PRKD1: variants seen among roughly 807,000 people sequenced by gnomAD.
PRKD1 encodes protein kinase D1.
In PRKD1, 63 loss-of-function variants were observed where a neutral mutation model predicts 95.9. The observed-to-expected ratio is 0.66, with a 90% CI of 0.54 to 0.81. The LOEUF (loss-of-function observed/expected upper bound fraction) is 0.81. Among genes scored for constraint, PRKD1 ranks in the 30% least tolerant of loss-of-function variants. PRKD1 has a pLI of 0.00. For missense variants in PRKD1, 1,048 were observed against 1,165.3 expected (o/e 0.90, Z 1.47); for synonymous variants, 425 against 423.1 (o/e 1.00, Z -0.05).
intron 1 of PRKD1, among the ~76,000 whole-genome samples, chr14:29,908,042 T>C (rs986346606): frequency 3.3e-5 from 5 of 152,064 alleles, no homozygotes; most frequent in African/African-American, 4.8e-5. Flanking sequence ...TCATATGTAG[T>C]CTACTCAGTA....
intron 1 of PRKD1, among the ~76,000 whole-genome samples, chr14:29,892,302 G>C (rs1007881358): frequency 1.3e-5 from 2 of 152,004 alleles, no homozygotes; most frequent in African/African-American, 2.4e-5. Flanking sequence ...CCGTTAACTG[G>C]ATTTTCCATT....
chr14:29,589,913 A>G (rs964062938), intron 16 of PRKD1, among the ~76,000 whole-genome samples: 1 of 152,152 alleles, frequency 6.6e-6, no homozygotes, highest in African/African-American at 2.4e-5. Context: ...TTTTTCTTCT[A>G]ATTATTTCCA....
intron 1 of PRKD1, among the ~76,000 whole-genome samples, chr14:29,915,610 T>C (rs2139129020): frequency 6.6e-6 from 1 of 152,306 alleles, no homozygotes; most frequent in East Asian, 1.9e-4. Context: ...ATCCTTGTAG[T>C]AGTGGCCTCC....
intron 2 of PRKD1, among the ~76,000 whole-genome samples, chr14:29,723,693 G>GTA (rs1886011178): frequency 6.7e-6 from 1 of 149,550 alleles, no homozygotes; most frequent in Non-Finnish European, 1.5e-5. Context: ...GTGTGTGTGT[G>GTA]TAATTGATAT....
At chr14:29,711,564 C>G (rs1393203551) in intron 2 of PRKD1, among the ~76,000 whole-genome samples, 86 of 152,104 alleles carry the variant, frequency 5.7e-4, no homozygotes, top group Admixed American at 5.6e-3. Flanking sequence ...AATATATTAA[C>G]TGCTTAAAAC....
At chr14:29,840,626 G>T (rs1275970498) in intron 1 of PRKD1, among the ~76,000 whole-genome samples, 2 of 152,160 alleles carry the variant, frequency 1.3e-5, no homozygotes, top group East Asian at 3.9e-4. Context: ...ATTTACAAAA[G>T]AAAGATGTTT....
intron 4 of PRKD1, among the ~76,000 whole-genome samples, chr14:29,659,967 T>C (rs1383469738): frequency 2.0e-5 from 3 of 152,190 alleles, no homozygotes; most frequent in African/African-American, 7.2e-5. Flanking sequence ...TATCAATCTT[T>C]TTCCTTTGTC....
intron 3 of PRKD1, 80 bp downstream of exon 3, chr14:29,665,997 T>C (rs755164802): frequency 9.9e-6 from 14 of 1,418,866 alleles, no homozygotes; most frequent in South Asian, 1.7e-5. Context: ...CTTTTACGTA[T>C]CTTTGCAATT....
intron 1 of PRKD1, among the ~76,000 whole-genome samples, chr14:29,820,369 T>C (rs1028050265): frequency 1.3e-5 from 2 of 152,228 alleles, no homozygotes; most frequent in East Asian, 1.9e-4. Flanking sequence ...ATAGAATCTA[T>C]GAAATGCTGT....
In PRKD1 at chr14:29,638,428, T is replaced by C. The variant is rs2273808; in HGVS notation, c.985+61A>G. ...CAAAACCAAAAACCCTGACTAAAAT[T>C]ACATCACCACACTCTCTAATATGGA... On this transcript the variant is annotated intron_variant, in intron 6 of 17. Coordinates refer to ENST00000331968, the MANE Select transcript of PRKD1 (RefSeq NM_002742.3). 10,010 of 1,576,276 alleles carry C rather than the reference T, an allele frequency of 6.4e-3. 320 individuals are homozygous for C. In the African/African-American group the frequency reaches 0.088, roughly 14 times the overall value.
At chr14:29,752,307 T>C (rs1403362035) in intron 1 of PRKD1, among the ~76,000 whole-genome samples, 1 of 152,166 alleles carries the variant, frequency 6.6e-6, no homozygotes, top group Non-Finnish European at 1.5e-5. Context: ...CAAGGGCCAG[T>C]ATGCTGAGCT....
At chr14:29,850,034 C>T (rs1418000709) in intron 1 of PRKD1, among the ~76,000 whole-genome samples, 2 of 152,014 alleles carry the variant, frequency 1.3e-5, no homozygotes, top group Non-Finnish European at 2.9e-5. Context: ...AAAAATTAGG[C>T]ATCAAGAAAC....
At chr14:29,632,652 C>T (rs1880087739) in intron 9 of PRKD1, among the ~76,000 whole-genome samples, 1 of 152,016 alleles carries the variant, frequency 6.6e-6, no homozygotes, top group Non-Finnish European at 1.5e-5. Context: ...GTACCAGAAA[C>T]ACTCCCCAGG....
chr14:29,634,389 A>G (rs778903215), intron 8 of PRKD1, 29 bp downstream of exon 8: 15 of 1,613,578 alleles, frequency 9.3e-6, no homozygotes, highest in Non-Finnish European at 1.3e-5. Flanking sequence ...CTAGCAAGGC[A>G]AGAGAACATT....
At position 29,763,696 on chromosome 14, in the gene PRKD1, C is replaced by G. The variant is rs189097128; in HGVS notation, c.265-38022G>C. Among the ~76,000 whole-genome samples the G allele has an allele frequency of 4.6e-5, 7 of 152,192 alleles. No homozygotes were observed. The East Asian group carries it at 1.4e-3, about 29-fold the overall frequency. Reference sequence around the variant, plus strand: ...TGTTCAAAGTAACTGAGGATTTGGCCTGTGTCTCATAGAAGCCACAAGAAA... The same window carrying G: ...TGTTCAAAGTAACTGAGGATTTGGCGTGTGTCTCATAGAAGCCACAAGAAA... On this transcript the variant is annotated intron_variant, in intron 1 of 17. Coordinates refer to ENST00000331968, the MANE Select transcript of PRKD1 (RefSeq NM_002742.3).
chr14:29,818,273 C>T (rs1890771291), intron 1 of PRKD1, among the ~76,000 whole-genome samples: 1 of 152,178 alleles, frequency 6.6e-6, no homozygotes, highest in African/African-American at 2.4e-5. Context: ...TGACAAACAA[C>T]AACAAACAGA....
At chr14:29,627,547 T>A (rs1311983126) in intron 11 of PRKD1, among the ~76,000 whole-genome samples, 1 of 152,240 alleles carries the variant, frequency 6.6e-6, no homozygotes, top group Non-Finnish European at 1.5e-5. Context: ...GATTTCATTC[T>A]GATGAAATCA....
At chr14:29,925,405 T>C (rs573575594) in intron 1 of PRKD1, among the ~76,000 whole-genome samples, 5 of 152,206 alleles carry the variant, frequency 3.3e-5, no homozygotes, top group Non-Finnish European at 7.3e-5. Context: ...AATTTGAGTT[T>C]AATTCAAGGC....
chr14:29,752,914 A>C (rs1887544136), intron 1 of PRKD1, among the ~76,000 whole-genome samples: 2 of 152,038 alleles, frequency 1.3e-5, no homozygotes, highest in South Asian at 4.1e-4. Flanking sequence ...TAGTTTTTGC[A>C]CTCCTACCAC....
Sources: allele counts gnomAD v4.1 joint callset (sites outside exome capture counted in the v4.1 genomes callset), GRCh38; gene constraint gnomAD v4.1.1; transcripts MANE v1.5; gene names NCBI Gene and HGNC (gene_info 2026-07-23, HGNC 2026-07-21).